Variants in UGT1A9 observed in about 807,000 individuals in gnomAD.
The protein encoded by UGT1A9 is UDP glucuronosyltransferase family 1 member A9.
A neutral mutation model predicts 45.0 loss-of-function variants in UGT1A9; 35 were observed. That is an observed-to-expected ratio of 0.78 (90% confidence interval 0.59 to 1.03). The LOEUF is 1.03. UGT1A9 is among the 50% of genes least tolerant of loss of function. The pLI is 0.00. For missense variants in UGT1A9, 687 were observed against 666.6 expected (o/e 1.03, Z -0.34); for synonymous variants, 278 against 250.6 (o/e 1.11, Z -1.03).
intron 1 of UGT1A9, chr2:233,713,051 C>T: frequency 6.2e-7 from 1 of 1,614,118 alleles, no homozygotes. Context: ...TGCTTCTCCT[C>T]AGTGTCCAGC....
chr2:233,760,998 C>T (rs1369783317), intron 1 of UGT1A9: 2 of 1,614,036 alleles, frequency 1.2e-6, no homozygotes, highest in Non-Finnish European at 1.7e-6. Flanking sequence ...CCTCAGAATT[C>T]CTTCAGAGAG....
chr2:233,717,175 A>G (rs113530832), intron 1 of UGT1A9, among the ~76,000 whole-genome samples: 4 of 152,334 alleles, frequency 2.6e-5, no homozygotes, highest in African/African-American at 7.2e-5. Flanking sequence ...GAATGTGGCA[A>G]GAGCACCCTC....
chr2:233,736,852 G>A (rs2078820278), intron 1 of UGT1A9, among the ~76,000 whole-genome samples: 1 of 152,188 alleles, frequency 6.6e-6, no homozygotes, highest in Non-Finnish European at 1.5e-5. Flanking sequence ...AGTGGAGGCT[G>A]CAGAACAGCA....
intron 1 of UGT1A9, among the ~76,000 whole-genome samples, chr2:233,696,905 T>C (rs2075364659): frequency 6.6e-6 from 1 of 152,208 alleles, no homozygotes; most frequent in Non-Finnish European, 1.5e-5. Context: ...ATTCTGTCAA[T>C]GTATTCATAT....
intron 1 of UGT1A9, among the ~76,000 whole-genome samples, chr2:233,698,921 G>A (rs959017341): frequency 2.6e-5 from 4 of 152,334 alleles, no homozygotes; most frequent in East Asian, 3.9e-4. Flanking sequence ...GGACGTGGCC[G>A]TCTCAGAGGG....
chr2:233,727,892 G>A (rs1335594867), intron 1 of UGT1A9, among the ~76,000 whole-genome samples: 1 of 152,130 alleles, frequency 6.6e-6, no homozygotes, highest in African/African-American at 2.4e-5. Flanking sequence ...TGGCAGACAC[G>A]GCCAGGCAAG....
intron 1 of UGT1A9, among the ~76,000 whole-genome samples, chr2:233,705,064 A>G (rs2075819913): frequency 6.6e-6 from 1 of 151,184 alleles, no homozygotes; most frequent in South Asian, 2.1e-4. Flanking sequence ...TGAACCCGGG[A>G]GGCGGAGGTT....
Position 233,769,399 on chromosome 2 carries a change from ATGTGCGTGTGCGTT to A in UGT1A9, c.1295+966_1295+979del. On this transcript the variant is annotated intron_variant, in intron 4 of 4. Coordinates refer to ENST00000354728, the MANE Select transcript of UGT1A9 (RefSeq NM_021027.3). This position sits in a 1 kb window ranked among gnomAD's most constrained non-coding sequence, Gnocchi z 4.4. ...ATCCGACAATAGATACTGTGTGCATATGTGCGTGTGCGTTTGTGCATGTGGCTGTGCTCATGTGT... is the reference window on the plus strand; with the variant it reads ...ATCCGACAATAGATACTGTGTGCATATGTGCATGTGGCTGTGCTCATGTGT... 1 of 1,170,288 alleles carries A rather than the reference ATGTGCGTGTGCGTT, an allele frequency of 8.5e-7. No homozygotes were observed. Among genetic ancestry groups the A allele is most frequent in the Non-Finnish European group, 1.2e-6 (1 of 810,196 alleles). 72.5% of individuals were successfully genotyped at this position (1,170,288 alleles called of 1,614,324 possible).
intron 1 of UGT1A9, chr2:233,747,457 T>A: frequency 6.2e-7 from 1 of 1,608,932 alleles, no homozygotes; most frequent in South Asian, 1.1e-5. Flanking sequence ...ACCTATGCCA[T>A]TTCATGGACC....
chr2:233,713,914 A>T (rs2076356497), intron 1 of UGT1A9: 2 of 1,612,536 alleles, frequency 1.2e-6, no homozygotes, highest in Admixed American at 3.3e-5. Flanking sequence ...TTTTTAAAAA[A>T]TGTATTTACT....
At chr2:233,755,969 A>T (rs2125939557) in intron 1 of UGT1A9, 1 of 152,304 alleles carries the variant, frequency 6.6e-6, no homozygotes, top group African/African-American at 2.4e-5. Context: ...GGCTCTATAG[A>T]GAGGTGGATT....
intron 1 of UGT1A9, among the ~76,000 whole-genome samples, chr2:233,763,590 A>T (rs772976697): frequency 6.6e-6 from 1 of 152,156 alleles, no homozygotes; most frequent in East Asian, 1.9e-4. Context: ...TTCCTTTGTT[A>T]ACTAAAAATG....
chr2:233,765,956 G>A (rs1699007626), intron 1 of UGT1A9, among the ~76,000 whole-genome samples: 1 of 152,142 alleles, frequency 6.6e-6, no homozygotes, highest in African/African-American at 2.4e-5. Flanking sequence ...CTCACCGGCA[G>A]TGTCTAGAGG....
intron 4 of UGT1A9, chr2:233,771,308 TC>T (rs1375108743): frequency 6.6e-6 from 1 of 152,198 alleles, no homozygotes; most frequent in African/African-American, 2.4e-5. Context: ...CTCCTCCTTT[TC>T]CCTCTCCTCT....
chr2:233,743,820 C>T (rs753368953), intron 1 of UGT1A9: 5 of 1,367,258 alleles, frequency 3.7e-6, no homozygotes, highest in Non-Finnish European at 4.9e-6. Context: ...GGGTTTTTGT[C>T]GGGGTGCCAC....
intron 1 of UGT1A9, among the ~76,000 whole-genome samples, chr2:233,678,063 A>G (rs1000988482): frequency 6.6e-5 from 10 of 152,222 alleles, no homozygotes; most frequent in African/African-American, 2.4e-4. Context: ...GAATATATAC[A>G]GGCACAGAAC....
chr2:233,736,362 A>C (rs1213397450), intron 1 of UGT1A9, among the ~76,000 whole-genome samples: 1 of 152,180 alleles, frequency 6.6e-6, no homozygotes, highest in East Asian at 1.9e-4. Context: ...CAGCTCCATC[A>C]GGTCATTTAA....
At chr2:233,716,567 A>G (rs181280282) in intron 1 of UGT1A9, among the ~76,000 whole-genome samples, 81 of 152,206 alleles carry the variant, frequency 5.3e-4, no homozygotes, top group Admixed American at 1.1e-3. Context: ...TTCATTTTTT[A>G]AAAACAATAC....
intron 1 of UGT1A9, chr2:233,690,615 G>C: frequency 7.8e-7 from 1 of 1,289,334 alleles, no homozygotes; most frequent in Admixed American, 2.3e-5. Flanking sequence ...CCTTTGCCTG[G>C]ACACTCAAGT....
Sources: allele counts gnomAD v4.1 joint callset (sites outside exome capture counted in the v4.1 genomes callset), GRCh38; gene constraint gnomAD v4.1.1; non-coding constraint Gnocchi (gnomAD v3.1); transcripts MANE v1.5; gene names NCBI Gene and HGNC (gene_info 2026-07-23, HGNC 2026-07-21).